Variants in GEMIN7 observed in about 807,000 individuals in gnomAD.
GEMIN7 encodes gem nuclear organelle associated protein 7.
A neutral mutation model predicts 7.8 loss-of-function variants in GEMIN7; 7 were observed. The ratio of observed to expected loss-of-function variants is 0.90; its 90% CI spans 0.51 to 1.69. The LOEUF (loss-of-function observed/expected upper bound fraction) is 1.69, where lower values mean the gene tolerates loss of function less well. Among genes scored for constraint, GEMIN7 ranks in the 40% most tolerant of loss-of-function variants. GEMIN7 has a pLI of 0.00. For missense variants in GEMIN7, 159 were observed against 176.2 expected, an observed-to-expected ratio of 0.90 and a Z score of 0.55; for synonymous variants, 68 against 72.4, an observed-to-expected ratio of 0.94 and a Z score of 0.31.
chr19:45,075,890 TG>T, upstream of GEMIN7: 1 of 1,600,132 alleles, frequency 6.2e-7, no homozygotes, highest in Non-Finnish European at 8.5e-7. Flanking sequence ...GTGGTGAGCG[TG>T]GGGTGGGGCC....
chr19:45,083,690 C>T (rs963219587), intron 2 of GEMIN7, among the ~76,000 whole-genome samples: 1 of 147,988 alleles, frequency 6.8e-6, no homozygotes, highest in Non-Finnish European at 1.5e-5. Flanking sequence ...GCCTCAGCCT[C>T]CTCCGGCTCA....
chr19:45,086,438 C>T (rs970851180), intron 2 of GEMIN7, among the ~76,000 whole-genome samples: 22 of 152,168 alleles, frequency 1.4e-4, no homozygotes, highest in African/African-American at 5.3e-4. Flanking sequence ...GTCCTCCTCT[C>T]TCAGGTCTGC....
chr19:45,085,559 A>G (rs995516606), intron 2 of GEMIN7: 1 of 152,248 alleles, frequency 6.6e-6, no homozygotes, highest in Non-Finnish European at 1.5e-5. Flanking sequence ...CAGACTGAGT[A>G]GCCCTGGTTC....
At chr19:45,081,719 C>T (rs8103155) in intron 2 of GEMIN7, among the ~76,000 whole-genome samples, 84,695 of 151,650 alleles carry the variant, frequency 0.56, 24,440 homozygotes, top group African/African-American at 0.68. Context: ...CTCCGCTTCC[C>T]GGGTTCAAGC....
chr19:45,080,117 T>G (rs1367220953), intron 2 of GEMIN7, 88 bp downstream of exon 2: 1 of 152,264 alleles, frequency 6.6e-6, no homozygotes, highest in Non-Finnish European at 1.5e-5. Context: ...GGGGATGGGC[T>G]TGGGCATTTT....
chr19:45,078,709 G>A (rs534254042), upstream of GEMIN7, among the ~76,000 whole-genome samples: 23 of 152,260 alleles, frequency 1.5e-4, no homozygotes, highest in African/African-American at 4.6e-4. Flanking sequence ...AGAGGACCCC[G>A]CAAGGAGAAA....
In GEMIN7 at chr19:45,090,527, T is replaced by C; in HGVS notation, c.*17T>C. 6.3e-7 allele frequency: 1 copy of C among 1,592,080 alleles called. No homozygotes were observed. ...AAGCCATAAAGATATTGTGTTCACT[T>C]TTCTGCTTGAGGCTAAGGCACTGTA... On this transcript the variant is annotated 3_prime_UTR_variant, in exon 3 of 3. Coordinates refer to ENST00000270257, the MANE Select transcript of GEMIN7 (RefSeq NM_024707.3).
At chr19:45,085,393 G>A (rs998670306) in intron 2 of GEMIN7, 3 of 152,228 alleles carry the variant, frequency 2.0e-5, no homozygotes. Flanking sequence ...TTCACCAGTG[G>A]TGACATTTTT....
intron 2 of GEMIN7, among the ~76,000 whole-genome samples, chr19:45,089,567 C>T (rs528895019): frequency 2.6e-5 from 4 of 152,146 alleles, no homozygotes; most frequent in East Asian, 3.8e-4. Context: ...GACAGTGTCT[C>T]ACTCTGTCAC....
chr19:45,089,103 G>A (rs1032235376), intron 2 of GEMIN7, among the ~76,000 whole-genome samples: 6 of 151,992 alleles, frequency 3.9e-5, no homozygotes, highest in African/African-American at 1.2e-4. Flanking sequence ...CACCACACCC[G>A]GCTAATTTTT....
rs567263829 is a variant in GEMIN7, at chr19:45,080,113, G to A, written c.-9+84G>A. On this transcript the variant is annotated intron_variant, in intron 2 of 2. Coordinates refer to ENST00000270257, the MANE Select transcript of GEMIN7 (RefSeq NM_024707.3). The stretch of plus-strand genomic sequence containing the variant: ...ACTAGTTTTTCAAGTCGTGGGGGAT[G>A]GGCTTGGGCATTTTTCCCTGAAACC... 76 of 152,384 alleles carry A rather than the reference G, an allele frequency of 5.0e-4. 2 individuals are homozygous for A. The highest frequency in any genetic ancestry group is 1.8e-3 in the African/African-American group (74 of 41,580). The allele number at this position is 152,384 out of a possible 1,614,324, so 9.4% of individuals were successfully genotyped here.
intron 2 of GEMIN7, chr19:45,085,723 G>GA (rs1967657784): frequency 6.6e-6 from 1 of 151,992 alleles, no homozygotes; most frequent in Non-Finnish European, 1.5e-5. Context: ...AGATGGGGGG[G>GA]ATCACTTGCG....
upstream of GEMIN7, among the ~76,000 whole-genome samples, chr19:45,077,916 G>C (rs1347563799): frequency 6.6e-6 from 1 of 150,736 alleles, no homozygotes; most frequent in Non-Finnish European, 1.5e-5. Context: ...TTTAAATAGA[G>C]ACAGGGACTC....
Position 45,079,895 on chromosome 19 carries a change from T to G in GEMIN7, c.-131-12T>G, listed in dbSNP as rs897049375. On this transcript the variant is annotated splice_polypyrimidine_tract_variant and intron_variant, in intron 1 of 2. Transcript: ENST00000270257. ...GTCTGTGGACACGTCAACACCTTGG[T>G]TAATTAATTAGGTCTGGCGGCTTCT... 6 of 152,226 alleles carry G rather than the reference T, an allele frequency of 3.9e-5. No homozygotes were observed. The highest frequency in any genetic ancestry group is 9.7e-5 in the African/African-American group (4 of 41,438). 9.4% of individuals were successfully genotyped at this position (152,226 alleles called of 1,614,324 possible).
intron 2 of GEMIN7, among the ~76,000 whole-genome samples, chr19:45,084,281 C>T (rs1967604733): frequency 6.7e-6 from 1 of 149,124 alleles, no homozygotes; most frequent in Non-Finnish European, 1.5e-5. Context: ...CCTGTAATCC[C>T]AGCACTTTGG....
chr19:45,087,225 C>A (rs1444945444), intron 2 of GEMIN7, among the ~76,000 whole-genome samples: 1 of 152,140 alleles, frequency 6.6e-6, no homozygotes, highest in Admixed American at 6.5e-5. Context: ...CTCACTGCAA[C>A]CTCTGCCTCC....
At chr19:45,089,890 C>T (rs890344802) in intron 2 of GEMIN7, among the ~76,000 whole-genome samples, 1 of 152,192 alleles carries the variant, frequency 6.6e-6, no homozygotes, top group Non-Finnish European at 1.5e-5. Context: ...GACAAAGGTC[C>T]TTGCCTTCAC....
chr19:45,087,633 C>A (rs929640933), intron 2 of GEMIN7, among the ~76,000 whole-genome samples: 4 of 152,166 alleles, frequency 2.6e-5, no homozygotes, highest in Admixed American at 2.6e-4. Context: ...GCGAGGAGGC[C>A]TGTGTGGCTG....
chr19:45,083,317 C>A (rs905850710), intron 2 of GEMIN7, among the ~76,000 whole-genome samples: 1 of 151,860 alleles, frequency 6.6e-6, no homozygotes, highest in African/African-American at 2.4e-5. Context: ...CATGGTGGCG[C>A]GCACCTGTAA....
Sources: gnomAD v4.1 joint callset for allele counts (sites outside exome capture counted in the v4.1 genomes callset) on GRCh38, gnomAD v4.1.1 for gene constraint, MANE v1.5 for transcripts, NCBI Gene and HGNC (gene_info 2026-07-23, HGNC 2026-07-21) for gene names.